Variants in SGCZ observed in about 807,000 individuals in gnomAD.
The protein encoded by SGCZ is sarcoglycan zeta, also known as zeta-sarcoglycan.
Under a neutral mutation model 41.3 loss-of-function variants are expected in SGCZ, and 40 were observed. The observed-to-expected ratio is 0.97, with a 90% CI of 0.75 to 1.26. The LOEUF (loss-of-function observed/expected upper bound fraction) is 1.26, where lower values mean the gene tolerates loss of function less well. SGCZ is among the 50% of genes most tolerant of loss of function. The pLI is 0.00. For missense variants in SGCZ, 552 were observed against 369.8 expected (o/e 1.49, Z -4.04); for synonymous variants, 206 against 137.5 (o/e 1.50, Z -3.49).
intron 1 of SGCZ, among the ~76,000 whole-genome samples, chr8:14,901,697 TA>T (rs1798977631): frequency 6.6e-6 from 1 of 152,110 alleles, no homozygotes; most frequent in Admixed American, 6.6e-5. Context: ...AAGTTACATA[TA>T]TTTTCGGTAA....
chr8:14,615,093 T>C (rs1045126326), intron 1 of SGCZ, among the ~76,000 whole-genome samples: 3 of 152,136 alleles, frequency 2.0e-5, no homozygotes, highest in Non-Finnish European at 4.4e-5. Context: ...AAAACATTTA[T>C]AGTAGACATA....
chr8:15,087,951 T>A (rs1044264459), intron 1 of SGCZ, among the ~76,000 whole-genome samples: 38 of 151,316 alleles, frequency 2.5e-4, no homozygotes, highest in African/African-American at 8.6e-4. Context: ...GCATGTAAAA[T>A]GCTATTTTTT....
intron 1 of SGCZ, among the ~76,000 whole-genome samples, chr8:15,078,149 T>G (rs1410580550): frequency 9.1e-6 from 1 of 109,708 alleles, no homozygotes; most frequent in Admixed American, 8.2e-5. Context: ...GAACTCTTCT[T>G]TTTTTTTTTT....
intron 1 of SGCZ, among the ~76,000 whole-genome samples, chr8:14,980,429 T>C (rs1181634484): frequency 6.6e-6 from 1 of 152,224 alleles, no homozygotes; most frequent in Non-Finnish European, 1.5e-5. Flanking sequence ...TTTGTCTTCA[T>C]TGATATAGAA....
intron 1 of SGCZ, among the ~76,000 whole-genome samples, chr8:14,604,887 C>A (rs961387874): frequency 6.6e-6 from 1 of 152,126 alleles, no homozygotes; most frequent in African/African-American, 2.4e-5. Flanking sequence ...CCAAATAGAC[C>A]TTTCAGTAAC....
intron 2 of SGCZ, among the ~76,000 whole-genome samples, chr8:14,547,993 G>T (rs2117169529): frequency 6.6e-6 from 1 of 152,240 alleles, no homozygotes; most frequent in Admixed American, 6.5e-5. Flanking sequence ...TGGCAGATAG[G>T]ACCTTTGTGA....
chr8:14,638,899 G>A (rs1304991250), intron 1 of SGCZ, among the ~76,000 whole-genome samples: 1 of 151,672 alleles, frequency 6.6e-6, no homozygotes, highest in African/African-American at 2.4e-5. Context: ...ATCAAATGCT[G>A]GTTCAGTAAA....
At chr8:14,599,383 T>G (rs1029930860) in intron 1 of SGCZ, among the ~76,000 whole-genome samples, 1 of 152,170 alleles carries the variant, frequency 6.6e-6, no homozygotes, top group Non-Finnish European at 1.5e-5. Flanking sequence ...GAAATCAAAT[T>G]CTCTCACCTA....
intron 1 of SGCZ, among the ~76,000 whole-genome samples, chr8:15,194,266 G>C (rs1270305580): frequency 6.6e-6 from 1 of 150,630 alleles, no homozygotes; most frequent in Non-Finnish European, 1.5e-5. Flanking sequence ...GGAGACTGAA[G>C]TCAGCCCTAA....
At chr8:14,736,578 T>G (rs556290810) in intron 1 of SGCZ, among the ~76,000 whole-genome samples, 4 of 152,224 alleles carry the variant, frequency 2.6e-5, no homozygotes, top group African/African-American at 9.6e-5. Context: ...ACCCATCACC[T>G]GAGCAGTACA....
chr8:15,167,731 T>C (rs1338249240), intron 1 of SGCZ, among the ~76,000 whole-genome samples: 1 of 152,190 alleles, frequency 6.6e-6, no homozygotes, highest in African/African-American at 2.4e-5. Flanking sequence ...AACTTATATA[T>C]TTGTCATTAA....
intron 1 of SGCZ, among the ~76,000 whole-genome samples, chr8:14,564,681 C>T (rs1033848114): frequency 7.2e-5 from 11 of 152,126 alleles, no homozygotes; most frequent in Non-Finnish European, 1.3e-4. Flanking sequence ...CTTTTAAAGA[C>T]ATGGTTGAAA....
intron 1 of SGCZ, among the ~76,000 whole-genome samples, chr8:14,801,886 T>A (rs1482252248): frequency 1.3e-5 from 2 of 152,216 alleles, no homozygotes; most frequent in Non-Finnish European, 2.9e-5. Flanking sequence ...GCAAGTTTCC[T>A]AATGAGAAAC....
intron 1 of SGCZ, among the ~76,000 whole-genome samples, chr8:15,020,204 C>T (rs1003248504): frequency 6.6e-6 from 1 of 152,066 alleles, no homozygotes; most frequent in Non-Finnish European, 1.5e-5. Flanking sequence ...TTCCAAGTTT[C>T]CTTCTTATAG....
chr8:14,824,764 A>G (rs188686081), intron 1 of SGCZ, among the ~76,000 whole-genome samples: 180 of 152,224 alleles, frequency 1.2e-3, no homozygotes, highest in African/African-American at 4.2e-3. Flanking sequence ...TTATCCCAAA[A>G]TATCTTCTAC....
intron 4 of SGCZ, among the ~76,000 whole-genome samples, chr8:14,215,804 C>T (rs62492329): frequency 0.24 from 36,249 of 152,118 alleles, 5,562 homozygotes; most frequent in Non-Finnish European, 0.34. Flanking sequence ...GAAAAAGACC[C>T]ATAACCTTAA....
chr8:14,319,252 TTCATG>T (rs1267504527), intron 3 of SGCZ, among the ~76,000 whole-genome samples: 1 of 151,922 alleles, frequency 6.6e-6, no homozygotes, highest in East Asian at 1.9e-4. Context: ...AAGCAGAACA[TTCATG>T]TCATCAAAAG....
At chr8:14,397,274 G>A (rs188566067) in intron 2 of SGCZ, among the ~76,000 whole-genome samples, 6 of 152,162 alleles carry the variant, frequency 3.9e-5, no homozygotes, top group East Asian at 1.9e-4. Context: ...AGTTAAGGAT[G>A]TTCGAATATA....
At chr8:14,626,793 T>C (rs1358050734) in intron 1 of SGCZ, among the ~76,000 whole-genome samples, 1 of 152,150 alleles carries the variant, frequency 6.6e-6, no homozygotes, top group Non-Finnish European at 1.5e-5. Context: ...GCTGCTGATA[T>C]CTTGAATTTA....
Sources: allele counts gnomAD v4.1 joint callset (sites outside exome capture counted in the v4.1 genomes callset), GRCh38; gene constraint gnomAD v4.1.1; transcripts MANE v1.5; gene names NCBI Gene and HGNC (gene_info 2026-07-23, HGNC 2026-07-21).